Variants in CSNK1G1 observed in about 807,000 individuals in gnomAD.
CSNK1G1 encodes casein kinase I isoform gamma-1.
Under a neutral mutation model 59.6 loss-of-function variants are expected in CSNK1G1, and 22 were observed. That is an observed-to-expected ratio of 0.37 (90% CI 0.26 to 0.53). CSNK1G1 has a LOEUF of 0.53. CSNK1G1 is among the 20% of genes least tolerant of loss of function. The probability of loss-of-function intolerance (pLI) is 0.89; values close to 1 mark genes in which losing one functional copy is unlikely to be tolerated. For missense variants in CSNK1G1, 384 were observed against 519.5 expected (o/e 0.74, Z 2.54); for synonymous variants, 179 against 177.1 (o/e 1.01, Z -0.08).
At chr15:64,261,596 T>C (rs914903503) in intron 2 of CSNK1G1, among the ~76,000 whole-genome samples, 16 of 151,610 alleles carry the variant, frequency 1.1e-4, no homozygotes, top group African/African-American at 3.9e-4. Context: ...AACAAAACTC[T>C]GTCTCAAAAA....
intron 2 of CSNK1G1, among the ~76,000 whole-genome samples, chr15:64,292,501 G>A (rs1001389115): frequency 6.6e-6 from 1 of 152,152 alleles, no homozygotes; most frequent in Non-Finnish European, 1.5e-5. Context: ...TTTGTTGTAT[G>A]CAAGTAAAAA....
chr15:64,204,193 T>G (rs1439586469), intron 9 of CSNK1G1, among the ~76,000 whole-genome samples: 1 of 151,938 alleles, frequency 6.6e-6, no homozygotes, highest in Non-Finnish European at 1.5e-5. Context: ...GGGCTTAAAT[T>G]CTGTTATCTT....
At chr15:64,277,833 A>T (rs1393464418) in intron 2 of CSNK1G1, among the ~76,000 whole-genome samples, 1 of 136,928 alleles carries the variant, frequency 7.3e-6, no homozygotes, top group Non-Finnish European at 1.5e-5. Context: ...TTTAATAATA[A>T]TATTGATATA....
intron 1 of CSNK1G1, among the ~76,000 whole-genome samples, chr15:64,315,153 A>G (rs1185357729): frequency 3.3e-5 from 5 of 152,050 alleles, no homozygotes. Flanking sequence ...GATGAGAAGA[A>G]GAGGGAATCC....
intron 4 of CSNK1G1, among the ~76,000 whole-genome samples, chr15:64,219,777 CTTTTTT>C (rs750402203): frequency 7.3e-6 from 1 of 136,314 alleles, no homozygotes; most frequent in African/African-American, 2.8e-5. Context: ...CTTTTCTTTT[CTTTTTT>C]TTTTTTTTTG....
intron 2 of CSNK1G1, among the ~76,000 whole-genome samples, chr15:64,265,056 G>A (rs1454364569): frequency 6.6e-6 from 1 of 152,130 alleles, no homozygotes; most frequent in African/African-American, 2.4e-5. Flanking sequence ...ATCCAAATAG[G>A]AAAGGAGGAA....
chr15:64,183,869 G>A (rs2081853723), intron 10 of CSNK1G1, among the ~76,000 whole-genome samples: 1 of 151,522 alleles, frequency 6.6e-6, no homozygotes. Flanking sequence ...CCGAGTAGCT[G>A]GGACTACAGG....
Position 64,181,624 on chromosome 15 carries a change from A to C in CSNK1G1, c.1108-1170T>G, listed in dbSNP as rs181793892. 8.5e-4 allele frequency: 452 copies of C among 534,518 alleles called. 2 individuals carry two copies. The highest frequency in any genetic ancestry group is 5.9e-3 in the Admixed American group (153 of 26,034). The allele number at this position is 534,518 out of a possible 1,614,324, so 33.1% of individuals were successfully genotyped here. ...GCATAGTGTAGAAATTGCCCTAATCAGCCCTAAGTTTGAACCCCAGCTCCA... is the reference window on the plus strand; with the variant it reads ...GCATAGTGTAGAAATTGCCCTAATCCGCCCTAAGTTTGAACCCCAGCTCCA... On this transcript the variant is annotated intron_variant, in intron 10 of 11. Transcript: ENST00000303052.
intron 4 of CSNK1G1, among the ~76,000 whole-genome samples, chr15:64,237,623 T>C (rs1008660141): frequency 2.6e-5 from 4 of 152,218 alleles, no homozygotes; most frequent in African/African-American, 9.6e-5. Flanking sequence ...GTATTCTGTT[T>C]CCTGTGTTGC....
intron 7 of CSNK1G1, among the ~76,000 whole-genome samples, chr15:64,206,586 CAAAAAAAAAAAAAAAAAAA>C (rs36192246): frequency 2.0e-5 from 1 of 49,672 alleles, no homozygotes; most frequent in African/African-American, 8.9e-5. Flanking sequence ...AACTCTGTCT[CAAAAAAAAAAAAAAAAAAA>C]AAAAAAAAAA....
intron 7 of CSNK1G1, among the ~76,000 whole-genome samples, chr15:64,205,617 G>A (rs2082167207): frequency 6.6e-6 from 1 of 152,176 alleles, no homozygotes; most frequent in African/African-American, 2.4e-5. Context: ...CTAGCTTGCT[G>A]CACTCAGACT....
intron 10 of CSNK1G1, among the ~76,000 whole-genome samples, chr15:64,201,478 A>C (rs983298782): frequency 1.3e-5 from 2 of 152,182 alleles, no homozygotes; most frequent in African/African-American, 4.8e-5. Context: ...CAGTCAAATT[A>C]TAAATCTTAA....
At chr15:64,339,061 G>A (rs1295301921) in intron 1 of CSNK1G1, among the ~76,000 whole-genome samples, 1 of 152,098 alleles carries the variant, frequency 6.6e-6, no homozygotes, top group Non-Finnish European at 1.5e-5. Context: ...TAAAGTGCAG[G>A]ATTCTGAAGG....
intron 11 of CSNK1G1, 28 bp downstream of exon 11, chr15:64,180,320 T>A: frequency 6.4e-7 from 1 of 1,556,210 alleles, no homozygotes; most frequent in Non-Finnish European, 8.9e-7. Flanking sequence ...ACCCATGACT[T>A]AAGAGCCCCC....
At chr15:64,350,321 G>A (rs527600873) in intron 1 of CSNK1G1, among the ~76,000 whole-genome samples, 53 of 152,042 alleles carry the variant, frequency 3.5e-4, no homozygotes, top group Non-Finnish European at 6.5e-4. Flanking sequence ...GTGAAACCCC[G>A]TCTCTACTAA....
chr15:64,300,665 A>G lies in CSNK1G1; in HGVS notation c.-166T>C. ...ATCTCCGGGAGATGAAAAACCATTT[A>G]TTTGTTCCCGTAGGAAATGTAGTCA... On this transcript the variant is annotated 5_prime_UTR_variant, in exon 2 of 12. Coordinates refer to ENST00000303052, the MANE Select transcript of CSNK1G1 (RefSeq NM_022048.5). 3.9e-6 allele frequency: 5 copies of G among 1,278,158 alleles called. No individual in the cohort carries two copies. Among genetic ancestry groups the G allele is most frequent in the South Asian group, 3.2e-5 (1 of 31,668 alleles). 79.2% of individuals were successfully genotyped at this position (1,278,158 alleles called of 1,614,324 possible).
At chr15:64,343,068 G>T (rs1488736165) in intron 1 of CSNK1G1, among the ~76,000 whole-genome samples, 3 of 151,980 alleles carry the variant, frequency 2.0e-5, no homozygotes, top group African/African-American at 4.8e-5. Context: ...CAAAATTAGC[G>T]GGGTGTGGTG....
chr15:64,353,008 G>A (rs1898402304), intron 1 of CSNK1G1, among the ~76,000 whole-genome samples: 1 of 152,010 alleles, frequency 6.6e-6, no homozygotes, highest in East Asian at 2.0e-4. Context: ...AGAACTGCTT[G>A]AACTTAGCAG....
At chr15:64,269,970 AT>A (rs151310385) in intron 2 of CSNK1G1, among the ~76,000 whole-genome samples, 1 of 149,814 alleles carries the variant, frequency 6.7e-6, no homozygotes, top group African/African-American at 2.5e-5. Context: ...GACCTGACTA[AT>A]TTTTTTTGTA....
Sources: gnomAD v4.1 joint callset for allele counts (sites outside exome capture counted in the v4.1 genomes callset) on GRCh38, gnomAD v4.1.1 for gene constraint, MANE v1.5 for transcripts, NCBI Gene and HGNC (gene_info 2026-07-23, HGNC 2026-07-21) for gene names.